The following PLOD1 variants were observed in gnomAD, a reference collection of about 807,000 sequenced individuals.
The protein encoded by PLOD1 is procollagen-lysine,2-oxoglutarate 5-dioxygenase 1.
Under a neutral mutation model 94.7 loss-of-function variants are expected in PLOD1, and 70 were observed. That is an observed-to-expected ratio of 0.74 (90% CI 0.61 to 0.90). The LOEUF (loss-of-function observed/expected upper bound fraction) is 0.90, where lower values mean the gene tolerates loss of function less well. Ranked by LOEUF, PLOD1 falls within the 40% of genes least tolerant of loss-of-function variation. PLOD1 has a pLI of 0.00. For synonymous variants in PLOD1, 417 were observed against 400.2 expected, an observed-to-expected ratio of 1.04 and a Z score of -0.50; for missense variants, 905 against 972.7, an observed-to-expected ratio of 0.93 and a Z score of 0.93.
intron 16 of PLOD1, 106 bp downstream of exon 16, chr1:11,967,197 GACTCTTGAC>G: frequency 1.3e-6 from 1 of 755,878 alleles, no homozygotes; most frequent in Admixed American, 1.9e-5. Flanking sequence ...CCCTTTCTGG[GACTCTTGAC>G]ATAGGGGTGC....
At chr1:11,966,869 G>T in intron 15 of PLOD1, 118 bp from the exon 16 acceptor site, 1 of 762,348 alleles carries the variant, frequency 1.3e-6, no homozygotes, top group South Asian at 1.4e-5. Flanking sequence ...GATTGACAAG[G>T]CCCTGCTCCC....
At position 11,974,835 on chromosome 1, in the gene PLOD1, T is replaced by C; in HGVS notation, c.*27T>C. 6.2e-7 allele frequency: 1 copy of C among 1,613,416 alleles called. No homozygotes were observed. On this transcript the variant is annotated 3_prime_UTR_variant, in exon 19 of 19. Transcript: ENST00000196061. ...TGGCCAGGCCTGACCCTCTTGGACCTTTCTTCTTTGCCGACAACCACTGCC... is the reference window on the plus strand; with the variant it reads ...TGGCCAGGCCTGACCCTCTTGGACCCTTCTTCTTTGCCGACAACCACTGCC...
At chr1:11,947,252 A>AAAAC (rs59526848) in intron 1 of PLOD1, among the ~76,000 whole-genome samples, 4,284 of 150,450 alleles carry the variant, frequency 0.028, 205 homozygotes, top group African/African-American at 0.1. Context: ...AAAAAAAACA[A>AAAAC]AAACAAACAA....
intron 4 of PLOD1, among the ~76,000 whole-genome samples, chr1:11,951,625 A>G (rs1188475745): frequency 4.8e-5 from 7 of 146,632 alleles, no homozygotes. Flanking sequence ...AATAATTTAT[A>G]TAATATATAT....
chr1:11,951,702 G>A (rs1218186561), intron 4 of PLOD1, among the ~76,000 whole-genome samples: 1 of 149,646 alleles, frequency 6.7e-6, no homozygotes, highest in African/African-American at 2.4e-5. Flanking sequence ...GGCGGATCAC[G>A]AGGTCAGGAG....
rs117600943 is a variant in PLOD1 at position 11,947,213 on chromosome 1, G to A, written c.77-763G>A. Among the ~76,000 whole-genome samples the A allele has an allele frequency of 3.9e-3, 588 of 151,518 alleles. 8 individuals carry two copies. The highest frequency in any genetic ancestry group is 0.028 in the East Asian group (142 of 5,162). On this transcript the variant is annotated intron_variant, in intron 1 of 18. Transcript: ENST00000196061. ...GATTGTGCCACTGCACTCCAGCTTC[G>A]GTGACAGAGTGAGATGCTGTCTCAA...
At chr1:11,956,804 G>T (rs1645740981) in intron 6 of PLOD1, 113 bp from the exon 7 acceptor site, 2 of 770,318 alleles carry the variant, frequency 2.6e-6, no homozygotes, top group Non-Finnish European at 4.8e-6. Context: ...GAAGTGACTT[G>T]CCCGAGGACA....
In PLOD1 at chr1:11,973,056, A is replaced by G. The variant is rs3737961; in HGVS notation, c.2028+59A>G. On this transcript the variant is annotated intron_variant, in intron 18 of 18. Coordinates refer to ENST00000196061, the MANE Select transcript of PLOD1 (RefSeq NM_000302.4). ...CAATGGGGATGAGGAGGGCTAGCTG[A>G]GGAGAGGCTTCAGGGTGGTTGAGGC... is the stretch of plus-strand genomic sequence containing the variant. The G allele has an allele frequency of 0.5, 803,028 of 1,604,032 alleles. 207,611 individuals are homozygous for G. Among genetic ancestry groups the G allele is most frequent in the African/African-American group, 0.78 (58,120 of 74,596 alleles).
At chr1:11,956,253 A>G (rs1021745168) in intron 6 of PLOD1, among the ~76,000 whole-genome samples, 1 of 152,052 alleles carries the variant, frequency 6.6e-6, no homozygotes, top group Admixed American at 6.5e-5. Context: ...GTGTGGTGGC[A>G]TGTGCCTGTA....
intron 2 of PLOD1, among the ~76,000 whole-genome samples, chr1:11,949,489 G>A (rs963451461): frequency 6.6e-6 from 1 of 152,036 alleles, no homozygotes; most frequent in African/African-American, 2.4e-5. Context: ...GAGCGATTTC[G>A]GCTCACTGGA....
rs373669419 is a variant in PLOD1, at chr1:11,970,658, G to T, written c.1756-12G>T. The stretch of plus-strand genomic sequence containing the variant: ...AGAATTCTGCCTAAACATTCACCTC[G>T]GTCACCTCCAGGACAACCGCATCCA... On this transcript the variant is annotated splice_polypyrimidine_tract_variant and intron_variant, in intron 16 of 18. Coordinates refer to ENST00000196061, the MANE Select transcript of PLOD1 (RefSeq NM_000302.4). 8.1e-6 allele frequency: 13 copies of T among 1,612,704 alleles called. No individual in the cohort carries two copies. In the Admixed American group the frequency reaches 2.2e-4, roughly 27 times the overall value.
intron 3 of PLOD1, 133 bp downstream of exon 3, chr1:11,950,039 C>T: frequency 1.0e-6 from 1 of 954,146 alleles, no homozygotes; most frequent in East Asian, 2.4e-5. Context: ...TTAGGGTGTC[C>T]ATTCCCGGTC....
In PLOD1 at chr1:11,949,848, A is replaced by T; in HGVS notation, c.244A>T (p.Lys82Ter). ...AGGGQKVRLL[K>*]KALEKHADKE... ...TGGAGGGCAGAAGGTCCGGCTGCTG[A>T]AGAAAGCTCTGGAGAAGCACGCAGA... Residue 82 changes from lysine (K) to a stop codon, truncating the protein, a stop_gained, in exon 3 of 19, where the codon AAG (lysine) becomes TAG (stop). Coordinates refer to ENST00000196061, the MANE Select transcript of PLOD1 (RefSeq NM_000302.4). LOFTEE classifies it high-confidence loss of function. 6.2e-7 allele frequency: 1 copy of T among 1,614,178 alleles called. No individual in the cohort carries two copies. The highest frequency in any genetic ancestry group is 8.5e-7 in the Non-Finnish European group (1 of 1,180,006).
chr1:11,938,888 T>TG (rs1204297417), intron 1 of PLOD1, among the ~76,000 whole-genome samples: 1 of 152,050 alleles, frequency 6.6e-6, no homozygotes, highest in South Asian at 2.1e-4. Flanking sequence ...TGCGCCATCC[T>TG]GGGGGGGCTT....
chr1:11,973,483 G>A (rs950771990), intron 18 of PLOD1, among the ~76,000 whole-genome samples: 4 of 152,086 alleles, frequency 2.6e-5, no homozygotes, highest in Non-Finnish European at 4.4e-5. Flanking sequence ...CTGGGCAACA[G>A]AGCGAGACTC....
intron 16 of PLOD1, among the ~76,000 whole-genome samples, chr1:11,967,822 TC>T (rs1645832646): frequency 6.6e-6 from 1 of 150,882 alleles, no homozygotes; most frequent in African/African-American, 2.4e-5. Flanking sequence ...CAATCTTGGC[TC>T]ATTGCAACCT....
intron 12 of PLOD1, 23 bp downstream of exon 12, chr1:11,964,323 T>TGGGGGGGGG: frequency 3.6e-6 from 1 of 274,730 alleles, no homozygotes; most frequent in Non-Finnish European, 7.3e-6. Context: ...AGGGTGGGGG[T>TGGGGGGGGG]GGGTGGGGGA....
chr1:11,942,230 G>A (rs1288688614), intron 1 of PLOD1, among the ~76,000 whole-genome samples: 1 of 151,524 alleles, frequency 6.6e-6, no homozygotes, highest in East Asian at 1.9e-4. Context: ...TGATCTGCCT[G>A]CCTCAGCTTC....
At chr1:11,952,022 G>A (rs1408090711) in intron 4 of PLOD1, among the ~76,000 whole-genome samples, 1 of 152,222 alleles carries the variant, frequency 6.6e-6, no homozygotes, top group Admixed American at 6.5e-5. Context: ...CCTTAGATGG[G>A]GATCTGCCAT....
Sources: gnomAD v4.1 joint callset for allele counts (sites outside exome capture counted in the v4.1 genomes callset) on GRCh38, gnomAD v4.1.1 for gene constraint, MANE v1.5 for transcripts, NCBI Gene and HGNC (gene_info 2026-07-23, HGNC 2026-07-21) for gene names.